The following SPATA6 variants were observed in gnomAD, a reference collection of about 807,000 sequenced individuals.
SPATA6 encodes the protein spermatogenesis associated 6.
SPATA6 carries 56 observed loss-of-function variants against 65.3 expected under a neutral mutation model. That is an observed-to-expected ratio of 0.86 (90% CI 0.69 to 1.07). The LOEUF is 1.07. Ranked by LOEUF, SPATA6 falls within the 50% of genes least tolerant of loss-of-function variation. The probability of loss-of-function intolerance (pLI) is 0.00; values close to 1 mark genes in which losing one functional copy is unlikely to be tolerated. For missense variants in SPATA6, 590 were observed against 594.8 expected (o/e 0.99, Z 0.08); for synonymous variants, 199 against 213.2 (o/e 0.93, Z 0.58).
intron 9 of SPATA6, among the ~76,000 whole-genome samples, chr1:48,381,839 C>T (rs1195429084): frequency 1.4e-5 from 2 of 145,646 alleles, no homozygotes; most frequent in Non-Finnish European, 3.0e-5. Context: ...AGGCAGAGGA[C>T]CCTGCGGCCT....
intron 9 of SPATA6, among the ~76,000 whole-genome samples, chr1:48,372,421 T>C (rs1373402578): frequency 6.6e-6 from 1 of 152,212 alleles, no homozygotes; most frequent in East Asian, 1.9e-4. Flanking sequence ...CTCACACTGA[T>C]GCAAGATGTG....
intron 11 of SPATA6, among the ~76,000 whole-genome samples, chr1:48,340,324 CA>C (rs1646179385): frequency 8.5e-6 from 1 of 117,580 alleles, no homozygotes; most frequent in African/African-American, 3.5e-5. Context: ...AAACAGAATC[CA>C]AAAACAAAGA....
intron 3 of SPATA6, among the ~76,000 whole-genome samples, chr1:48,433,586 G>A (rs555353764): frequency 2.0e-5 from 3 of 151,964 alleles, no homozygotes; most frequent in East Asian, 3.9e-4. Context: ...AAATCAAAAG[G>A]CTATAGGAAA....
At chr1:48,335,139 CA>C (rs371735111) in intron 11 of SPATA6, among the ~76,000 whole-genome samples, 2 of 151,580 alleles carry the variant, frequency 1.3e-5, no homozygotes, top group African/African-American at 4.8e-5. Flanking sequence ...GAGATGACAC[CA>C]AAAAATGGAA....
downstream of SPATA6, among the ~76,000 whole-genome samples, chr1:48,293,896 C>T (rs1644784136): frequency 6.6e-6 from 1 of 152,078 alleles, no homozygotes; most frequent in African/African-American, 2.4e-5. Flanking sequence ...TTGCAGATTG[C>T]CTGGAATATT....
intron 1 of SPATA6, among the ~76,000 whole-genome samples, chr1:48,458,396 AT>A (rs1657166335): frequency 6.6e-6 from 1 of 152,206 alleles, no homozygotes; most frequent in South Asian, 2.1e-4. Context: ...CCTTAAAAGC[AT>A]TATGTTAAGT....
At chr1:48,377,387 T>C (rs1342577198) in intron 9 of SPATA6, among the ~76,000 whole-genome samples, 1 of 152,196 alleles carries the variant, frequency 6.6e-6, no homozygotes, top group Non-Finnish European at 1.5e-5. Context: ...AATATTTTAG[T>C]TGCTTAGCCA....
chr1:48,453,053 T>C lies in SPATA6; in HGVS notation c.130A>G (p.Thr44Ala), dbSNP rs772246729. 37 of 1,613,990 alleles carry C rather than the reference T, an allele frequency of 2.3e-5. No homozygotes were observed. In the South Asian group the frequency reaches 2.3e-4, roughly 10 times the overall value. The change falls in exon 2 of 13, where the codon ACA becomes GCA. Residue 44 changes from threonine (T) to alanine (A), a missense_variant. By Grantham distance (58) the Thr-to-Ala change is moderately conservative. Transcript: ENST00000371847. ...SICVFGQYKK[T>A]QCVPATFPLV... ...GGAAAAGTGGCTGGGACACATTGTGTCTTTTTGTATTGGCCAAACACACAG... is the reference window on the plus strand; with the variant it reads ...GGAAAAGTGGCTGGGACACATTGTGCCTTTTTGTATTGGCCAAACACACAG...
downstream of SPATA6, among the ~76,000 whole-genome samples, chr1:48,294,655 A>G (rs1057186951): frequency 2.0e-5 from 3 of 151,870 alleles, no homozygotes; most frequent in East Asian, 5.8e-4. Context: ...CTCCATCTCC[A>G]CTCTTGTAAA....
intron 11 of SPATA6, among the ~76,000 whole-genome samples, chr1:48,340,438 T>C (rs912684303): frequency 6.6e-6 from 1 of 151,294 alleles, no homozygotes; most frequent in South Asian, 2.1e-4. Flanking sequence ...ATGTGTAATA[T>C]CAATAACTTT....
intron 11 of SPATA6, among the ~76,000 whole-genome samples, chr1:48,320,884 GT>G (rs1275911357): frequency 1.3e-5 from 2 of 152,134 alleles, no homozygotes; most frequent in Non-Finnish European, 2.9e-5. Context: ...AAATTAAAGT[GT>G]GGAGTTTTTA....
At chr1:48,394,766 A>G (rs1448781604) in intron 8 of SPATA6, among the ~76,000 whole-genome samples, 1 of 152,020 alleles carries the variant, frequency 6.6e-6, no homozygotes, top group East Asian at 1.9e-4. Flanking sequence ...TCACTAGCCA[A>G]TGTCTACAGA....
chr1:48,393,266 A>G (rs1650253383), intron 8 of SPATA6: 1 of 152,172 alleles, frequency 6.6e-6, no homozygotes, highest in South Asian at 2.1e-4. Context: ...TCCTAGTGTG[A>G]TGCACTGAGA....
chr1:48,459,653 G>A (rs1343321351), intron 1 of SPATA6, among the ~76,000 whole-genome samples: 1 of 151,954 alleles, frequency 6.6e-6, no homozygotes. Flanking sequence ...AAGGATACAC[G>A]TATTTTTTTC....
rs531906708 is a variant in SPATA6 at position 48,315,917 on chromosome 1, G to A, written c.1195-10039C>T. ...AAGAACAAACAGAGAGCCAAATCATGAGTGAACTCCCATTCACAACTGCTT... is the reference window on the plus strand; with the variant it reads ...AAGAACAAACAGAGAGCCAAATCATAAGTGAACTCCCATTCACAACTGCTT... On this transcript the variant is annotated intron_variant, in intron 11 of 12. Coordinates refer to ENST00000371847, the MANE Select transcript of SPATA6 (RefSeq NM_019073.4). Among the ~76,000 whole-genome samples, 6 of 152,280 alleles carry A rather than the reference G, an allele frequency of 3.9e-5. No individual in the cohort carries two copies. The South Asian group carries it at 1.0e-3, about 26-fold the overall frequency.
intron 11 of SPATA6, among the ~76,000 whole-genome samples, chr1:48,316,543 A>G (rs185488265): frequency 8.9e-4 from 136 of 152,356 alleles, no homozygotes; most frequent in Non-Finnish European, 1.4e-3. Flanking sequence ...AAGATGGATT[A>G]AAGACTTACT....
At chr1:48,376,117 T>G (rs1647876849) in intron 9 of SPATA6, among the ~76,000 whole-genome samples, 1 of 152,194 alleles carries the variant, frequency 6.6e-6, no homozygotes, top group Non-Finnish European at 1.5e-5. Flanking sequence ...TTATCTCCTG[T>G]GTTATGTTCC....
chr1:48,331,371 A>G (rs1475529006), intron 11 of SPATA6, among the ~76,000 whole-genome samples: 1 of 151,940 alleles, frequency 6.6e-6, no homozygotes, highest in African/African-American at 2.4e-5. Context: ...GCCAGTATAC[A>G]GAATATAACC....
intron 11 of SPATA6, among the ~76,000 whole-genome samples, chr1:48,327,857 A>C (rs1218249548): frequency 3.3e-5 from 5 of 152,182 alleles, no homozygotes; most frequent in Admixed American, 2.0e-4. Context: ...AACATTATCT[A>C]TTCTGCACAA....
Sources: allele counts gnomAD v4.1 joint callset (sites outside exome capture counted in the v4.1 genomes callset), GRCh38; gene constraint gnomAD v4.1.1; transcripts MANE v1.5; gene names NCBI Gene and HGNC (gene_info 2026-07-23, HGNC 2026-07-21).